DDHD2: variants seen among roughly 807,000 people sequenced by gnomAD.
DDHD2 encodes DDHD domain containing 2.
Under a neutral mutation model 91.2 loss-of-function variants are expected in DDHD2, and 62 were observed. That is an observed-to-expected ratio of 0.68 (90% CI 0.55 to 0.84). DDHD2 has a LOEUF of 0.84. Among genes scored for constraint, DDHD2 ranks in the 40% least tolerant of loss-of-function variants. The pLI, the probability that DDHD2 is intolerant of heterozygous loss-of-function variation, is 0.00. For missense variants in DDHD2, 740 were observed against 846.9 expected, an observed-to-expected ratio of 0.87 and a Z score of 1.57; for synonymous variants, 271 against 293.9, an observed-to-expected ratio of 0.92 and a Z score of 0.80.
At position 38,245,930 on chromosome 8, in the gene DDHD2, C is replaced by G; in HGVS notation, c.1037C>G (p.Ser346Cys). Residue 346 changes from serine (S) to cysteine (C), a missense_variant, in exon 8 of 18, where the codon TCC (serine) becomes TGC (cysteine). Ser to Cys is a moderately radical substitution (Grantham distance 112). Around this residue, in one of 2 missense-constraint regions of DDHD2, gnomAD observed 693 missense variants for 764.2 expected, o/e 0.91. Transcript: ENST00000397166. ...AACCCTGATTTCAAAGGGGGTGTATCCATTGCTGGTCATAGTTTAGGTAAC... is the reference window on the plus strand; with the variant it reads ...AACCCTGATTTCAAAGGGGGTGTATGCATTGCTGGTCATAGTTTAGGTAAC... ...QRNPDFKGGVSIAGHSLGSLI... is the reference protein window; with the variant it reads ...QRNPDFKGGVCIAGHSLGSLI... 6.2e-7 allele frequency: 1 copy of G among 1,613,634 alleles called. No individual in the cohort carries two copies. Among genetic ancestry groups the G allele is most frequent in the Non-Finnish European group, 8.5e-7 (1 of 1,179,994 alleles).
At chr8:38,268,976 A>T in intron 1 of DDHD2, 1 of 1,570,722 alleles carries the variant, frequency 6.4e-7, no homozygotes, top group African/African-American at 1.4e-5. Context: ...GAACGGGGGG[A>T]GCAGCTCCGT....
chr8:38,266,903 C>T, downstream of DDHD2: 1 of 431,724 alleles, frequency 2.3e-6, no homozygotes, highest in Non-Finnish European at 3.6e-6. Flanking sequence ...ATACAATAGT[C>T]CCCACCTCAT....
intron 9 of DDHD2, chr8:38,247,471 C>T (rs532067635): frequency 4.1e-6 from 1 of 243,594 alleles, no homozygotes; most frequent in South Asian, 1.1e-4. Flanking sequence ...AAGCACTGAG[C>T]TCCCTTAAAA....
chr8:38,246,190 T>C (rs755155042), intron 8 of DDHD2, 43 bp from the exon 9 acceptor site: 6 of 1,416,082 alleles, frequency 4.2e-6, no homozygotes, highest in East Asian at 4.6e-5. Context: ...AGCCATTTAG[T>C]GCTAATGCTT....
Position 38,262,525 on chromosome 8 carries a change from T to A in DDHD2, c.*1952T>A, listed in dbSNP as rs1585785025. ...TGAAATCCTGTATTTAGTCATATAT[T>A]ATTTGCGCTGCTTCATTTGTATCAT... is the stretch of plus-strand genomic sequence containing the variant. On this transcript the variant is annotated 3_prime_UTR_variant, in exon 18 of 18. Transcript: ENST00000397166. The A allele has an allele frequency of 6.6e-6, 1 of 152,192 alleles. No individual in the cohort carries two copies. The highest frequency in any genetic ancestry group is 1.9e-4 in the East Asian group (1 of 5,206). 9.4% of individuals were successfully genotyped at this position (152,192 alleles called of 1,614,324 possible).
chr8:38,232,982 T>C lies in DDHD2; in HGVS notation c.-8-5T>C. The stretch of plus-strand genomic sequence containing the variant: ...GTTTTCCTGATAGTTTTCTTTTGTC[T>C]TTAGAGAGCGAAATGTCATCAGTGC... On this transcript the variant is annotated splice_polypyrimidine_tract_variant and splice_region_variant and intron_variant, in intron 1 of 17. Transcript: ENST00000397166. The C allele has an allele frequency of 6.2e-7, 1 of 1,612,210 alleles. No homozygotes were observed. Among genetic ancestry groups the C allele is most frequent in the Non-Finnish European group, 8.5e-7 (1 of 1,179,010 alleles).
At chr8:38,268,791 C>T in intron 1 of DDHD2, 1 of 1,446,080 alleles carries the variant, frequency 6.9e-7, no homozygotes, top group Non-Finnish European at 9.1e-7. Flanking sequence ...CAGTGGGTCC[C>T]TACAAAGGCC....
intron 4 of DDHD2, 106 bp downstream of exon 4, chr8:38,237,733 A>T: frequency 1.6e-6 from 1 of 612,834 alleles, no homozygotes; most frequent in South Asian, 2.5e-5. Context: ...AACCTTTGTC[A>T]AATTTTATAT....
rs143340364 is a variant in DDHD2 at position 38,251,739 on chromosome 8, A to C, written c.1345-173A>C. 1.8e-5 allele frequency: 10 copies of C among 568,684 alleles called. No individual in the cohort carries two copies. The African/African-American group carries it at 1.9e-4, about 11-fold the overall frequency. The allele number at this position is 568,684 out of a possible 1,614,324, so 35.2% of individuals were successfully genotyped here. ...TCCTTTGGCTATACTTTTACTATATAGTAGCTCCCCATACTTTTTTTTTAA... is the reference window on the plus strand; with the variant it reads ...TCCTTTGGCTATACTTTTACTATATCGTAGCTCCCCATACTTTTTTTTTAA... On this transcript the variant is annotated intron_variant, in intron 11 of 17. Transcript: ENST00000397166.
chr8:38,270,099 C>T (rs1022714934), intron 1 of DDHD2: 2 of 152,038 alleles, frequency 1.3e-5, no homozygotes, highest in African/African-American at 4.8e-5. Flanking sequence ...ACAGTAATGC[C>T]CTAGTGGAAC....
chr8:38,259,144 A>G (rs911529888), intron 16 of DDHD2, among the ~76,000 whole-genome samples: 1 of 152,034 alleles, frequency 6.6e-6, no homozygotes, highest in Non-Finnish European at 1.5e-5. Context: ...AAGGTGACCA[A>G]CTGGATAACT....
rs1806207392 is a variant in DDHD2, at chr8:38,252,704, C to G, written c.1618-18C>G. ...GTGCTTAGCAGAGGTAAATGTAGCTCTTGTTTTTCCTATGTAGTTTGATCC... is the reference window on the plus strand; with the variant it reads ...GTGCTTAGCAGAGGTAAATGTAGCTGTTGTTTTTCCTATGTAGTTTGATCC... On this transcript the variant is annotated intron_variant, in intron 13 of 17. Coordinates refer to ENST00000397166, the MANE Select transcript of DDHD2 (RefSeq NM_015214.3). 1 of 1,564,992 alleles carries G rather than the reference C, an allele frequency of 6.4e-7. No homozygotes were observed. The highest frequency in any genetic ancestry group is 8.8e-7 in the Non-Finnish European group (1 of 1,136,770).
intron 16 of DDHD2, chr8:38,255,213 AGCAAGCTC>A: frequency 7.3e-6 from 2 of 273,084 alleles, no homozygotes; most frequent in Non-Finnish European, 1.4e-5. Flanking sequence ...AAAAAAAAAA[AGCAAGCTC>A]AAAGGTCCTA....
chr8:38,245,688 G>A (rs1805580557), intron 7 of DDHD2, 54 bp from the exon 8 acceptor site: 2 of 1,465,816 alleles, frequency 1.4e-6, no homozygotes, highest in Non-Finnish European at 1.9e-6. Context: ...AAAATTGGAA[G>A]CAGCTATTAA....
Position 38,233,202 on chromosome 8 carries a change from G to A in DDHD2, c.208G>A (p.Ala70Thr). 6.2e-7 allele frequency: 1 copy of A among 1,612,760 alleles called. No individual in the cohort carries two copies. Among genetic ancestry groups the A allele is most frequent in the South Asian group, 1.1e-5 (1 of 91,042 alleles). Residue 70 changes from alanine (A) to threonine (T), a missense_variant, in exon 2 of 18, where the codon GCA becomes ACA. Physicochemically the swap from Ala to Thr is moderately conservative, Grantham distance 58. Coordinates refer to ENST00000397166, the MANE Select transcript of DDHD2 (RefSeq NM_015214.3). ...NSEDSQQLEE[A>T]YSSGKGCNGR... is the part of the protein sequence containing the mutation. ...TGAGGATTCACAGCAGCTGGAAGAG[G>A]CATATAGCTCTGGTAGGTGAAAATT...
At chr8:38,235,826 C>G (rs1039924450) in intron 3 of DDHD2, among the ~76,000 whole-genome samples, 14 of 150,826 alleles carry the variant, frequency 9.3e-5, no homozygotes, top group African/African-American at 3.4e-4. Context: ...TTGAGAACAG[C>G]CTGGGCAACA....
At chr8:38,267,783 G>C, downstream of DDHD2, 1 of 1,100,550 alleles carries the variant, frequency 9.1e-7, no homozygotes, top group Admixed American at 2.1e-5. Flanking sequence ...AAAAATCAGA[G>C]TGAAGATAAA....
intron 16 of DDHD2, among the ~76,000 whole-genome samples, chr8:38,255,605 T>C (rs1402478622): frequency 1.3e-5 from 2 of 152,166 alleles, no homozygotes; most frequent in Admixed American, 6.6e-5. Context: ...TTTAAAAACA[T>C]AAATAGTAAA....
downstream of DDHD2, chr8:38,267,693 G>A (rs918772666): frequency 1.1e-5 from 7 of 640,944 alleles, no homozygotes; most frequent in Non-Finnish European, 1.9e-5. Context: ...GGTGGGAAAT[G>A]CTGTTCAGGC....
Sources: gnomAD v4.1 joint callset for allele counts (sites outside exome capture counted in the v4.1 genomes callset) on GRCh38, gnomAD v4.1.1 for gene constraint, gnomAD v4.1.1 regional missense constraint, MANE v1.5 for transcripts, NCBI Gene and HGNC (gene_info 2026-07-23, HGNC 2026-07-21) for gene names.